PTPRF: variants seen among roughly 807,000 people sequenced by gnomAD.
PTPRF encodes protein tyrosine phosphatase receptor type F, also known as receptor-type tyrosine-protein phosphatase F.
In PTPRF, 59 loss-of-function variants were observed where a neutral mutation model predicts 201.8. That is an observed-to-expected ratio of 0.29 (90% CI 0.24 to 0.36). The LOEUF (loss-of-function observed/expected upper bound fraction) is 0.36, where lower values mean the gene tolerates loss of function less well. Among genes scored for constraint, PTPRF ranks in the 10% least tolerant of loss-of-function variants. The pLI, the probability that PTPRF is intolerant of heterozygous loss-of-function variation, is 1.00. For missense variants in PTPRF, 2,132 were observed against 2,690.5 expected (o/e 0.79, Z 4.59); for synonymous variants, 1,088 against 1,089.7 (o/e 1.00, Z 0.03).
At position 43,553,498 on chromosome 1, in the gene PTPRF, C is replaced by T; in HGVS notation, c.98C>T (p.Pro33Leu). Residue 33 changes from proline to leucine, a missense_variant, in exon 4 of 34, where the codon CCT becomes CTT. This residue lies in a region of PTPRF where 297 missense variants were observed against 454.0 expected (regional missense o/e 0.65). Coordinates refer to ENST00000359947, the MANE Select transcript of PTPRF (RefSeq NM_002840.5). The surrounding 1 kb of genome is among the most constrained non-coding windows in gnomAD (Gnocchi z 4.1). Reference protein sequence around the residue: ...LVAGAHGDSKPVFIKVPEDQT... With the variant: ...LVAGAHGDSKLVFIKVPEDQT... ...GTGTCTCCATCTCTTCCAGGCAAAC[C>T]TGTCTTCATTAAAGTCCCTGAGGAC... 6.2e-7 allele frequency: 1 copy of T among 1,613,992 alleles called. No homozygotes were observed. Among genetic ancestry groups the T allele is most frequent in the African/African-American group, 1.3e-5 (1 of 75,038 alleles).
rs569272686 is a variant in PTPRF, at chr1:43,542,086, T to G, written c.-45-2945T>G. On this transcript the variant is annotated intron_variant, in intron 2 of 33. Coordinates refer to ENST00000359947, the MANE Select transcript of PTPRF (RefSeq NM_002840.5). This position sits in a 1 kb window ranked among gnomAD's most constrained non-coding sequence, Gnocchi z 5.2. ...TCCTCTCCCACCTTCTCCCCACAGG[T>G]GACCCTGGGACCCTGGGACTCTGGG... Among the ~76,000 whole-genome samples, 2 of 152,242 alleles carry G rather than the reference T, an allele frequency of 1.3e-5. No individual in the cohort carries two copies. The highest frequency in any genetic ancestry group is 4.1e-4 in the South Asian group (2 of 4,820).
At position 43,588,827 on chromosome 1, in the gene PTPRF, C is replaced by T; in HGVS notation, c.776C>T (p.Pro259Leu). The change falls in exon 8 of 34, where the codon CCC becomes CTC. Residue 259 changes from proline (P) to leucine (L), a missense_variant. By Grantham distance (98) the Pro-to-Leu change is moderately conservative. Transcript: ENST00000359947. This position sits in a 1 kb window ranked among gnomAD's most constrained non-coding sequence, Gnocchi z 5.3. ...VNLTCVAVGA[P>L]MPYVKWMMGA... Reference sequence around the variant, plus strand: ...CTGACATGCGTGGCAGTGGGTGCACCCATGCCCTACGTGAAGTGGATGATG... The same window carrying T: ...CTGACATGCGTGGCAGTGGGTGCACTCATGCCCTACGTGAAGTGGATGATG... The T allele has an allele frequency of 6.2e-7, 1 of 1,614,082 alleles. No individual in the cohort carries two copies. The highest frequency in any genetic ancestry group is 8.5e-7 in the Non-Finnish European group (1 of 1,180,022).
intron 1 of PTPRF, 99 bp from the exon 2 acceptor site, chr1:43,538,099 T>G: frequency 2.5e-6 from 1 of 397,644 alleles, no homozygotes; most frequent in Non-Finnish European, 4.4e-6. Flanking sequence ...CTGCTTTTTT[T>G]TCTGCATAAA....
At position 43,567,330 on chromosome 1, in the gene PTPRF, C is replaced by T. The variant is rs1570054267; in HGVS notation, c.380-2260C>T. On this transcript the variant is annotated intron_variant, in intron 5 of 33. Transcript: ENST00000359947. ...CTGCCTGGTGCATCTCAGTCCTCTT[C>T]ATTTCCGTCCTCCTTCCCTTCTCTT... 3.9e-5 allele frequency among the ~76,000 whole-genome samples: 6 copies of T among 152,352 alleles called. No individual in the cohort carries two copies. The South Asian group carries it at 1.0e-3, about 26-fold the overall frequency.
At chr1:43,578,001 G>T (rs1031244086) in intron 6 of PTPRF, among the ~76,000 whole-genome samples, 1 of 152,116 alleles carries the variant, frequency 6.6e-6, no homozygotes, top group African/African-American at 2.4e-5. Context: ...GGCCTCCCCC[G>T]CCAGGACCTG....
At chr1:43,593,086 A>G (rs753314530) in intron 11 of PTPRF, among the ~76,000 whole-genome samples, 3 of 152,150 alleles carry the variant, frequency 2.0e-5, no homozygotes, top group Non-Finnish European at 4.4e-5. Context: ...CCCTGAGCTG[A>G]CTGCACTCGG....
At chr1:43,617,261 T>C (rs1481002007) in intron 23 of PTPRF, among the ~76,000 whole-genome samples, 184 bp from the exon 24 acceptor site, 1 of 151,832 alleles carries the variant, frequency 6.6e-6, no homozygotes, top group African/African-American at 2.4e-5. Flanking sequence ...GTCCATCACT[T>C]TTCTGATAGG....
intron 6 of PTPRF, among the ~76,000 whole-genome samples, chr1:43,577,072 C>G (rs1048076346): frequency 2.6e-5 from 4 of 152,134 alleles, no homozygotes; most frequent in Non-Finnish European, 5.9e-5. Context: ...GGCCCCCTGA[C>G]CACTCTTAGG....
chr1:43,572,092 G>A (rs970670017), intron 6 of PTPRF, among the ~76,000 whole-genome samples: 8 of 152,118 alleles, frequency 5.3e-5, no homozygotes, highest in African/African-American at 1.7e-4. Flanking sequence ...CTCACCTTCC[G>A]GCTGCTCCAC....
intron 6 of PTPRF, among the ~76,000 whole-genome samples, chr1:43,574,589 G>A (rs541030844): frequency 6.6e-6 from 1 of 152,316 alleles, no homozygotes; most frequent in East Asian, 1.9e-4. Context: ...TGTAGCCTCT[G>A]AAAAACTCTA....
intron 5 of PTPRF, among the ~76,000 whole-genome samples, chr1:43,558,626 G>C (rs1034441040): frequency 3.9e-5 from 6 of 152,200 alleles, no homozygotes; most frequent in Admixed American, 2.6e-4. Flanking sequence ...TCCCTCGCCG[G>C]GTAATGGCAG....
At chr1:43,620,343 C>G (rs1193735227) in intron 30 of PTPRF, 111 bp from the exon 31 acceptor site, 1 of 1,529,610 alleles carries the variant, frequency 6.5e-7, no homozygotes, top group Non-Finnish European at 8.9e-7. Context: ...AGCATGGCCT[C>G]AGGCGCCCGT....
chr1:43,590,734 A>G (rs1161523955), intron 8 of PTPRF, among the ~76,000 whole-genome samples: 1 of 152,186 alleles, frequency 6.6e-6, no homozygotes, highest in Non-Finnish European at 1.5e-5. Context: ...CACAGTTGAT[A>G]TGTGTACATA....
chr1:43,605,674 G>A, intron 19 of PTPRF, 52 bp downstream of exon 19: 1 of 1,536,338 alleles, frequency 6.5e-7, no homozygotes, highest in Non-Finnish European at 9.0e-7. Flanking sequence ...GTGGTCAGCT[G>A]TGGCCTTCCT....
intron 21 of PTPRF, among the ~76,000 whole-genome samples, chr1:43,607,195 T>TAA (rs1655340750): frequency 6.6e-6 from 1 of 152,230 alleles, no homozygotes; most frequent in Admixed American, 6.5e-5. Flanking sequence ...CGTGAGGAAC[T>TAA]AAAGCCTCAG....
chr1:43,587,918 G>C (rs934297874), intron 7 of PTPRF, among the ~76,000 whole-genome samples: 2 of 152,170 alleles, frequency 1.3e-5, no homozygotes, highest in African/African-American at 2.4e-5. Flanking sequence ...TTCTGGTCAG[G>C]GGAGTCCAAG....
intron 1 of PTPRF, among the ~76,000 whole-genome samples, chr1:43,531,911 C>T (rs891489494): frequency 1.3e-5 from 2 of 152,210 alleles, no homozygotes; most frequent in African/African-American, 4.8e-5. Context: ...CTCGGCGTCT[C>T]TGCCTCCCCG....
chr1:43,525,804 C>CAAAAAAA (rs1179056466), upstream of PTPRF, among the ~76,000 whole-genome samples: 11 of 35,564 alleles, frequency 3.1e-4, 1 homozygote, highest in Non-Finnish European at 3.7e-4. Context: ...GACTCAGTCT[C>CAAAAAAA]AAAAAAAAAA....
At chr1:43,591,665 C>T (rs990403464) in intron 9 of PTPRF, 112 bp downstream of exon 9, 15 of 1,436,426 alleles carry the variant, frequency 1.0e-5, no homozygotes, top group Admixed American at 2.2e-5. Flanking sequence ...TTGGGAGGAT[C>T]AAGGTGCCGT....
Sources: allele counts gnomAD v4.1 joint callset (sites outside exome capture counted in the v4.1 genomes callset), GRCh38; gene constraint gnomAD v4.1.1; regional missense constraint gnomAD v4.1.1; non-coding constraint Gnocchi (gnomAD v3.1); transcripts MANE v1.5; gene names NCBI Gene and HGNC (gene_info 2026-07-23, HGNC 2026-07-21).